EEFSEC: variants seen among roughly 807,000 people sequenced by gnomAD.
EEFSEC encodes selenocysteine-specific elongation factor.
In EEFSEC, 43 loss-of-function variants were observed where a neutral mutation model predicts 42.1. That is an observed-to-expected ratio of 1.02 (90% CI 0.80 to 1.32). The LOEUF (loss-of-function observed/expected upper bound fraction) is 1.32. EEFSEC is among the 40% of genes most tolerant of loss of function. The probability of loss-of-function intolerance (pLI) is 0.00; values close to 1 mark genes in which losing one functional copy is unlikely to be tolerated. For missense variants in EEFSEC, 745 were observed against 803.6 expected (o/e 0.93, Z 0.88); for synonymous variants, 354 against 339.1 (o/e 1.04, Z -0.48).
intron 4 of EEFSEC, among the ~76,000 whole-genome samples, chr3:128,321,708 A>G (rs907097540): frequency 3.3e-5 from 5 of 152,118 alleles, no homozygotes; most frequent in African/African-American, 4.8e-5. Flanking sequence ...CATGTATTCC[A>G]TTCAGTAAGA....
At chr3:128,291,734 A>T (rs764993434) in intron 4 of EEFSEC, among the ~76,000 whole-genome samples, 1 of 152,222 alleles carries the variant, frequency 6.6e-6, no homozygotes, top group Non-Finnish European at 1.5e-5. Context: ...GCAAACAGTT[A>T]TGATATCTGG....
intron 1 of EEFSEC, among the ~76,000 whole-genome samples, chr3:128,195,167 T>G (rs1162344291): frequency 6.6e-6 from 1 of 152,188 alleles, no homozygotes; most frequent in East Asian, 1.9e-4. Context: ...CTGAACTCAT[T>G]TTCAAATTTA....
intron 4 of EEFSEC, among the ~76,000 whole-genome samples, chr3:128,325,079 T>C (rs2067049751): frequency 6.6e-6 from 1 of 152,224 alleles, no homozygotes. Context: ...CATCCCTCGC[T>C]GGCCTACTCT....
chr3:128,199,545 C>T (rs1403793848), intron 1 of EEFSEC, among the ~76,000 whole-genome samples: 3 of 152,106 alleles, frequency 2.0e-5, no homozygotes, highest in Admixed American at 2.0e-4. Context: ...TACCATTTAA[C>T]CAGTCTTTTA....
chr3:128,318,829 G>A (rs1485518908), intron 4 of EEFSEC, among the ~76,000 whole-genome samples: 2 of 151,866 alleles, frequency 1.3e-5, no homozygotes, highest in African/African-American at 4.8e-5. Context: ...TTGATGCCTG[G>A]CTTCGCCACC....
chr3:128,289,224 C>CTGAT (rs1308074777), intron 4 of EEFSEC, among the ~76,000 whole-genome samples: 1 of 152,212 alleles, frequency 6.6e-6, no homozygotes, highest in Non-Finnish European at 1.5e-5. Context: ...GGCCTAAATG[C>CTGAT]TGATTCCTGG....
chr3:128,334,371 A>AGCTGCCT (rs1009950717), intron 4 of EEFSEC, among the ~76,000 whole-genome samples: 16 of 152,208 alleles, frequency 1.1e-4, no homozygotes, highest in East Asian at 9.6e-4. Flanking sequence ...CAGGAGCCAC[A>AGCTGCCT]GCTGCCTGCT....
the EEFSEC span, among the ~76,000 whole-genome samples, chr3:128,422,007 C>A: frequency 6.6e-6 from 1 of 152,252 alleles, no homozygotes; most frequent in Non-Finnish European, 1.5e-5. Flanking sequence ...TGGAAAAAAA[C>A]AGCAGCTCTG....
intron 1 of EEFSEC, among the ~76,000 whole-genome samples, chr3:128,215,941 G>T (rs141413380): frequency 1.6e-4 from 25 of 152,208 alleles, no homozygotes; most frequent in African/African-American, 5.1e-4. Context: ...CCCTGGAGCT[G>T]GGACCAGAGT....
chr3:128,311,161 T>G (rs2066885764), intron 4 of EEFSEC, among the ~76,000 whole-genome samples: 1 of 152,272 alleles, frequency 6.6e-6, no homozygotes, highest in Non-Finnish European at 1.5e-5. Context: ...TGAGATTCCC[T>G]CTAATTGCAT....
At chr3:128,347,272 AAAG>A (rs946162205) in intron 5 of EEFSEC, among the ~76,000 whole-genome samples, 15 of 152,306 alleles carry the variant, frequency 9.8e-5, no homozygotes, top group Admixed American at 2.0e-4. Context: ...GAAAAAAAAA[AAAG>A]AAGAAGAGGG....
At chr3:128,336,356 A>G (rs1438459935) in intron 4 of EEFSEC, among the ~76,000 whole-genome samples, 1 of 150,928 alleles carries the variant, frequency 6.6e-6, no homozygotes, top group African/African-American at 2.4e-5. Context: ...TTACTTCTCT[A>G]CCTCCCCTGA....
chr3:128,412,559 C>A (rs2068181287), downstream of EEFSEC, among the ~76,000 whole-genome samples: 1 of 152,222 alleles, frequency 6.6e-6, no homozygotes, highest in African/African-American at 2.4e-5. Context: ...CCAGAGGGAA[C>A]AGCAGAGTGA....
At position 128,246,876 on chromosome 3, in the gene EEFSEC, G is replaced by A. The variant is rs764937825; in HGVS notation, c.357G>A (p.Val119=). 1.2e-6 allele frequency: 2 copies of A among 1,614,176 alleles called. No individual in the cohort carries two copies. Among genetic ancestry groups the A allele is most frequent in the South Asian group, 1.1e-5 (1 of 91,066 alleles). The change falls in exon 2 of 7, where the codon GTG becomes GTA. Residue 119 remains valine (V), a synonymous_variant. Coordinates refer to ENST00000254730, the MANE Select transcript of EEFSEC (RefSeq NM_021937.5). ...IIDLMMLVID[V]TKGMQTQSAE... ...ATCTGATGATGCTGGTCATCGATGT[G>A]ACCAAGGGGATGCAGACCCAGTCAG...
intron 5 of EEFSEC, among the ~76,000 whole-genome samples, chr3:128,356,876 A>G (rs1411883534): frequency 2.0e-5 from 3 of 152,228 alleles, no homozygotes; most frequent in Non-Finnish European, 4.4e-5. Flanking sequence ...TGGTCACATC[A>G]TCATCTCTAG....
At chr3:128,362,408 C>T in intron 6 of EEFSEC, 1 of 383,084 alleles carries the variant, frequency 2.6e-6, no homozygotes, top group Non-Finnish European at 5.3e-6. Flanking sequence ...CAGAAAAGGG[C>T]ACACATGTGC....
At chr3:128,238,511 G>A (rs577030896) in intron 1 of EEFSEC, among the ~76,000 whole-genome samples, 96 of 152,206 alleles carry the variant, frequency 6.3e-4, no homozygotes, top group Admixed American at 1.0e-3. Flanking sequence ...GCTGTTATTC[G>A]GGGTTTTTTG....
chr3:128,163,752 G>A (rs551813580), intron 1 of EEFSEC, among the ~76,000 whole-genome samples: 11 of 152,034 alleles, frequency 7.2e-5, no homozygotes, highest in Admixed American at 6.5e-4. Flanking sequence ...TAATGTCTCT[G>A]GATTGACCGG....
At position 128,383,259 on chromosome 3, in the gene EEFSEC, C is replaced by G. The variant is rs538407476; in HGVS notation, c.1601-24810C>G. ...AAGCCTGTCCCCGTTACAGAAATAACTCACACCATGCTGGACCCCCACCCC... is the reference window on the plus strand; with the variant it reads ...AAGCCTGTCCCCGTTACAGAAATAAGTCACACCATGCTGGACCCCCACCCC... On this transcript the variant is annotated intron_variant, in intron 6 of 6. Coordinates refer to ENST00000254730, the MANE Select transcript of EEFSEC (RefSeq NM_021937.5). Among the ~76,000 whole-genome samples, 26 of 152,352 alleles carry G rather than the reference C, an allele frequency of 1.7e-4. 1 individual carries two copies. The East Asian group carries it at 4.8e-3, about 28-fold the overall frequency.
Sources: gnomAD v4.1 joint callset for allele counts (sites outside exome capture counted in the v4.1 genomes callset) on GRCh38, gnomAD v4.1.1 for gene constraint, MANE v1.5 for transcripts, NCBI Gene and HGNC (gene_info 2026-07-23, HGNC 2026-07-21) for gene names.